The following PDGFRA variants were observed in gnomAD, a reference collection of about 807,000 sequenced individuals.
PDGFRA encodes the protein platelet-derived growth factor receptor alpha.
Under a neutral mutation model 121.5 loss-of-function variants are expected in PDGFRA, and 25 were observed. That is an observed-to-expected ratio of 0.21 (90% CI 0.15 to 0.29). The LOEUF is 0.29. Among genes scored for constraint, PDGFRA ranks in the 10% least tolerant of loss-of-function variants. The pLI, the probability that PDGFRA is intolerant of heterozygous loss-of-function variation, is 1.00. For synonymous variants in PDGFRA, 463 were observed against 494.8 expected (o/e 0.94, Z 0.85); for missense variants, 1,008 against 1,345.1 (o/e 0.75, Z 3.92).
intron 1 of PDGFRA, among the ~76,000 whole-genome samples, chr4:54,251,169 A>G (rs77919745): frequency 3.9e-5 from 6 of 152,266 alleles, no homozygotes; most frequent in Non-Finnish European, 8.8e-5. Flanking sequence ...TAATATATTC[A>G]TAAGGAATGT....
At chr4:54,240,758 T>C (rs565376300) in intron 1 of PDGFRA, among the ~76,000 whole-genome samples, 6 of 152,206 alleles carry the variant, frequency 3.9e-5, no homozygotes, top group Non-Finnish European at 4.4e-5. Context: ...TTTTAGGCAA[T>C]TGGAGCAAAT....
At chr4:54,284,136 A>C (rs1358538243) in intron 16 of PDGFRA, among the ~76,000 whole-genome samples, 1 of 152,178 alleles carries the variant, frequency 6.6e-6, no homozygotes, top group Non-Finnish European at 1.5e-5. Flanking sequence ...CCTTTACTCC[A>C]GTTCCCAATA....
chr4:54,295,026 A>G lies in PDGFRA; in HGVS notation c.3123-99A>G. On this transcript the variant is annotated intron_variant, in intron 22 of 22. Transcript: ENST00000257290. The stretch of plus-strand genomic sequence containing the variant: ...AATCTTGCCATACTGTGCAGCCCAA[A>G]TTTGAATGCCAAAGGCTTTCGTTTG... 3 of 1,292,824 alleles carry G rather than the reference A, an allele frequency of 2.3e-6. No individual in the cohort carries two copies. In the South Asian group the frequency reaches 3.6e-5, roughly 15 times the overall value. 80.1% of individuals were successfully genotyped at this position (1,292,824 alleles called of 1,614,324 possible).
chr4:54,233,390 T>A (rs2110168325), intron 1 of PDGFRA, among the ~76,000 whole-genome samples: 1 of 152,318 alleles, frequency 6.6e-6, no homozygotes, highest in South Asian at 2.1e-4. Flanking sequence ...CACTCCCGGC[T>A]GCGCTGTCGG....
chr4:54,268,595 G>A (rs771298893), intron 7 of PDGFRA, among the ~76,000 whole-genome samples: 1 of 152,154 alleles, frequency 6.6e-6, no homozygotes, highest in African/African-American at 2.4e-5. Context: ...TTCACCTCAG[G>A]ATTTGCTTTC....
intron 1 of PDGFRA, among the ~76,000 whole-genome samples, chr4:54,236,462 A>C (rs972946747): frequency 1.3e-5 from 2 of 152,198 alleles, no homozygotes; most frequent in Non-Finnish European, 2.9e-5. Flanking sequence ...AAGCACTGCC[A>C]TTATTCATGA....
intron 15 of PDGFRA, chr4:54,278,904 T>C: frequency 2.2e-6 from 1 of 464,872 alleles, no homozygotes. Flanking sequence ...AACCTGGACC[T>C]ATAAATGACG....
chr4:54,288,967 G>A (rs746087899), intron 20 of PDGFRA, 42 bp from the exon 21 acceptor site: 15 of 1,525,278 alleles, frequency 9.8e-6, no homozygotes, highest in Non-Finnish European at 1.4e-5. Context: ...GAGGGGCCCT[G>A]AGACTTCCCC....
At chr4:54,260,597 C>A (rs899961181) in intron 2 of PDGFRA, among the ~76,000 whole-genome samples, 2 of 151,290 alleles carry the variant, frequency 1.3e-5, no homozygotes. Flanking sequence ...TTGTGGAGAC[C>A]AGGTCTCACT....
intron 2 of PDGFRA, among the ~76,000 whole-genome samples, chr4:54,259,202 G>A (rs1161047321): frequency 6.6e-6 from 1 of 152,142 alleles, no homozygotes; most frequent in African/African-American, 2.4e-5. Flanking sequence ...CCAGCCCCTT[G>A]AGCAGCTGAG....
chr4:54,277,305 C>T (rs879797180), intron 12 of PDGFRA, 83 bp from the exon 13 acceptor site: 14 of 912,260 alleles, frequency 1.5e-5, no homozygotes, highest in South Asian at 5.2e-5. Flanking sequence ...CCCAGCTGTC[C>T]GCCCGCAGAG....
At chr4:54,278,169 G>GT in intron 14 of PDGFRA, 163 bp downstream of exon 14, 1 of 692,752 alleles carries the variant, frequency 1.4e-6, no homozygotes, top group Non-Finnish European at 2.5e-6. Context: ...AAGCTCATTG[G>GT]TTTTTGAGCA....
At chr4:54,256,539 C>T (rs1000710209) in intron 1 of PDGFRA, among the ~76,000 whole-genome samples, 31 of 151,076 alleles carry the variant, frequency 2.1e-4, no homozygotes, top group African/African-American at 7.6e-4. Context: ...TGCCCAGCCT[C>T]TACAAATAAT....
At chr4:54,264,316 C>T (rs889135599) in intron 4 of PDGFRA, 1 of 330,352 alleles carries the variant, frequency 3.0e-6, no homozygotes, top group African/African-American at 2.1e-5. Context: ...GTAGTTTAGA[C>T]TTCAACCCTT....
At chr4:54,259,987 C>T (rs1262227209) in intron 2 of PDGFRA, among the ~76,000 whole-genome samples, 8 of 152,146 alleles carry the variant, frequency 5.3e-5, no homozygotes, top group Admixed American at 2.6e-4. Flanking sequence ...AACTACAGGA[C>T]GTTATCCAGA....
At chr4:54,272,312 TGTGAACTCATATTCCACTTTGTA>T in intron 8 of PDGFRA, 59 bp from the exon 9 acceptor site, 5 of 1,492,426 alleles carry the variant, frequency 3.4e-6, no homozygotes, top group Non-Finnish European at 4.7e-6. Flanking sequence ...GTAGATGAGT[TGTGAACTCATATTCCACTTTGTA>T]GTCTCATATG....
At chr4:54,287,096 G>A (rs1002554237) in intron 18 of PDGFRA, among the ~76,000 whole-genome samples, 60 of 152,116 alleles carry the variant, frequency 3.9e-4, no homozygotes, top group African/African-American at 1.3e-3. Flanking sequence ...TCTTAGTTTT[G>A]TTCCCAGGAA....
At chr4:54,246,703 A>G (rs1012877869) in intron 1 of PDGFRA, among the ~76,000 whole-genome samples, 1 of 151,544 alleles carries the variant, frequency 6.6e-6, no homozygotes, top group African/African-American at 2.4e-5. Flanking sequence ...AGAAGGCAAG[A>G]AATAACTAAA....
chr4:54,265,700 C>T (rs578088909), intron 5 of PDGFRA, among the ~76,000 whole-genome samples: 12 of 152,268 alleles, frequency 7.9e-5, no homozygotes, highest in African/African-American at 2.9e-4. Context: ...ACCATGCTGC[C>T]TCTTGGTCAC....
Sources: allele counts gnomAD v4.1 joint callset (sites outside exome capture counted in the v4.1 genomes callset), GRCh38; gene constraint gnomAD v4.1.1; transcripts MANE v1.5; gene names NCBI Gene and HGNC (gene_info 2026-07-23, HGNC 2026-07-21).